HPS3: variants seen among roughly 807,000 people sequenced by gnomAD.
HPS3 encodes BLOC-2 complex member HPS3.
HPS3 carries 79 observed loss-of-function variants against 110.9 expected under a neutral mutation model. The ratio of observed to expected loss-of-function variants is 0.71; its 90% CI spans 0.59 to 0.86. The LOEUF is 0.86. Ranked by LOEUF, HPS3 falls within the 40% of genes least tolerant of loss-of-function variation. The pLI, the probability that HPS3 is intolerant of heterozygous loss-of-function variation, is 0.00. For missense variants in HPS3, 1,197 were observed against 1,206.2 expected (o/e 0.99, Z 0.11); for synonymous variants, 428 against 451.0 (o/e 0.95, Z 0.65).
At chr3:149,132,986 CA>C (rs1263249537) in intron 1 of HPS3, among the ~76,000 whole-genome samples, 3 of 152,180 alleles carry the variant, frequency 2.0e-5, no homozygotes, top group Non-Finnish European at 4.4e-5. Flanking sequence ...GGAATTCCTG[CA>C]ATCTTATGAT....
Position 149,150,694 on chromosome 3 carries a change from T to C in HPS3, c.1245+14T>C. On this transcript the variant is annotated intron_variant, in intron 6 of 16. Coordinates refer to ENST00000296051, the MANE Select transcript of HPS3 (RefSeq NM_032383.5). The stretch of plus-strand genomic sequence containing the variant: ...ACCACCCTGAAGGTAAGAACTGGCT[T>C]ATGAAGATAGTGAAACCTTAAGATC... 1 of 1,600,744 alleles carries C rather than the reference T, an allele frequency of 6.2e-7. No homozygotes were observed. The highest frequency in any genetic ancestry group is 2.2e-5 in the East Asian group (1 of 44,822).
At chr3:149,151,216 CAG>C (rs1723092585) in intron 6 of HPS3, among the ~76,000 whole-genome samples, 1 of 145,480 alleles carries the variant, frequency 6.9e-6, no homozygotes, top group African/African-American at 2.5e-5. Flanking sequence ...TTTTTTTCTG[CAG>C]AGACAGGTTT....
In HPS3 at chr3:149,141,318, C is replaced by G. The variant is rs1386793979; in HGVS notation, c.908C>G (p.Ser303Cys). The part of the protein sequence containing the change: ...LYRRFAPDIS[S>C]YVLSDDIKLH... ...AGACGTTTTGCTCCTGATATTTCGTCCTATGTCTTGTCTGATGACATCAAG... is the reference window on the plus strand; with the variant it reads ...AGACGTTTTGCTCCTGATATTTCGTGCTATGTCTTGTCTGATGACATCAAG... The change falls in exon 4 of 17, where the codon TCC (serine) becomes TGC (cysteine). Residue 303 changes from serine (S) to cysteine (C), a missense_variant. Physicochemically the swap from Ser to Cys is moderately radical, Grantham distance 112. Coordinates refer to ENST00000296051, the MANE Select transcript of HPS3 (RefSeq NM_032383.5). 1 of 1,613,352 alleles carries G rather than the reference C, an allele frequency of 6.2e-7. No homozygotes were observed. The highest frequency in any genetic ancestry group is 8.5e-7 in the Non-Finnish European group (1 of 1,179,894).
chr3:149,139,114 A>G (rs1296660188), intron 1 of HPS3, among the ~76,000 whole-genome samples: 1 of 152,356 alleles, frequency 6.6e-6, no homozygotes, highest in East Asian at 1.9e-4. Context: ...CTGGAAATAT[A>G]TTTGAATGCT....
chr3:149,170,074 G>A (rs1172014454), intron 16 of HPS3, among the ~76,000 whole-genome samples: 2 of 152,184 alleles, frequency 1.3e-5, no homozygotes, highest in African/African-American at 4.8e-5. Context: ...TTGGGATGGG[G>A]CTTGGATTAA....
At chr3:149,149,688 C>G (rs1283804344) in intron 5 of HPS3, among the ~76,000 whole-genome samples, 2 of 151,670 alleles carry the variant, frequency 1.3e-5, no homozygotes, top group Non-Finnish European at 2.9e-5. Context: ...CTCCCACTTT[C>G]TAGTTTTTTT....
chr3:149,150,646 G>T lies in HPS3; in HGVS notation c.1211G>T (p.Arg404Leu), dbSNP rs773843901. 1.9e-6 allele frequency: 3 copies of T among 1,614,056 alleles called. No individual in the cohort carries two copies. Among genetic ancestry groups the T allele is most frequent in the Non-Finnish European group, 2.5e-6 (3 of 1,179,966 alleles). Residue 404 changes from arginine to leucine, a missense_variant, in exon 6 of 17, where the codon CGT becomes CTT. Physicochemically the swap from Arg to Leu is moderately radical, Grantham distance 102. Transcript: ENST00000296051. ...FTVRCSAAAA[R>L]EEDPYMDTTL... Reference sequence around the variant, plus strand: ...GTGCGGTGCAGTGCGGCGGCAGCTCGTGAGGAGGACCCGTACATGGACACC... The same window carrying T: ...GTGCGGTGCAGTGCGGCGGCAGCTCTTGAGGAGGACCCGTACATGGACACC...
chr3:149,151,032 G>A (rs1289796568), intron 6 of HPS3, among the ~76,000 whole-genome samples: 1 of 151,738 alleles, frequency 6.6e-6, no homozygotes, highest in African/African-American at 2.4e-5. Flanking sequence ...TTTCGAGGCA[G>A]GGTCTTGCTC....
rs181651564 is a variant in HPS3 at position 149,136,602 on chromosome 3, T to C, written c.218-3402T>C. ...CCTTGGACAAGTTACTTTGCTTGTC[T>C]GTGCTTCAGATTCCTGATGTATAAA... On this transcript the variant is annotated intron_variant, in intron 1 of 16. Transcript: ENST00000296051. Among the ~76,000 whole-genome samples the C allele has an allele frequency of 3.6e-3, 551 of 152,324 alleles. 6 individuals are homozygous for C. Among genetic ancestry groups the C allele is most frequent in the African/African-American group, 0.013 (526 of 41,566 alleles).
In HPS3 at chr3:149,133,562, G is replaced by A. The variant is rs748866080; in HGVS notation, c.217+3622G>A. 1.1e-3 allele frequency among the ~76,000 whole-genome samples: 168 copies of A among 152,236 alleles called. 2 individuals are homozygous for A. The highest frequency in any genetic ancestry group is 3.4e-3 in the Middle Eastern group (1 of 294). ...GATCCACCCGCCTTGGCCTCACAAA[G>A]TGCTGGCATTACAGGTGTGAGCCAC... On this transcript the variant is annotated intron_variant, in intron 1 of 16. Transcript: ENST00000296051.
At chr3:149,169,773 T>C (rs1282803264) in intron 16 of HPS3, among the ~76,000 whole-genome samples, 2 of 152,230 alleles carry the variant, frequency 1.3e-5, no homozygotes, top group African/African-American at 4.8e-5. Context: ...GTACTGTTTT[T>C]GTAATGAACC....
chr3:149,136,002 A>G (rs756130862), intron 1 of HPS3, among the ~76,000 whole-genome samples: 17 of 152,112 alleles, frequency 1.1e-4, no homozygotes, highest in Non-Finnish European at 2.2e-4. Context: ...ACTGTTAGCC[A>G]TGTTTGTGAT....
rs555580250 is a variant in HPS3 at position 149,158,554 on chromosome 3, G to A, written c.1692-112G>A. The stretch of plus-strand genomic sequence containing the variant: ...TGGAATCCCAGCACTTTGGGAGGCT[G>A]AGGTAGGATAATCACTTGAGGTCAG... On this transcript the variant is annotated intron_variant, in intron 9 of 16. Coordinates refer to ENST00000296051, the MANE Select transcript of HPS3 (RefSeq NM_032383.5). 50 of 1,039,624 alleles carry A rather than the reference G, an allele frequency of 4.8e-5. No individual in the cohort carries two copies. In the African/African-American group the frequency reaches 7.1e-4, roughly 15 times the overall value. 64.4% of individuals were successfully genotyped at this position (1,039,624 alleles called of 1,614,324 possible). A position where few individuals can be genotyped will look rare whatever the true frequency, so the allele number is the denominator to read the frequency against.
In HPS3 at chr3:149,172,301, G is replaced by A; in HGVS notation, c.*79G>A. Reference sequence around the variant, plus strand: ...TGAATGCCAAAGTACAAGTAGAGGAGTTTTTTATTTTATATATCACACACA... The same window carrying A: ...TGAATGCCAAAGTACAAGTAGAGGAATTTTTTATTTTATATATCACACACA... On this transcript the variant is annotated 3_prime_UTR_variant, in exon 17 of 17. Coordinates refer to ENST00000296051, the MANE Select transcript of HPS3 (RefSeq NM_032383.5). The A allele has an allele frequency of 1.0e-6, 1 of 974,650 alleles. No individual in the cohort carries two copies. The highest frequency in any genetic ancestry group is 1.6e-6 in the Non-Finnish European group (1 of 644,548). The allele number at this position is 974,650 out of a possible 1,614,324, so 60.4% of individuals were successfully genotyped here.
At chr3:149,154,743 T>G (rs1449846415) in intron 7 of HPS3, among the ~76,000 whole-genome samples, 3 of 152,230 alleles carry the variant, frequency 2.0e-5, no homozygotes, top group African/African-American at 7.2e-5. Flanking sequence ...GCTCAGGGCA[T>G]GCTAGACTCA....
At chr3:149,138,587 A>C (rs114754257) in intron 1 of HPS3, among the ~76,000 whole-genome samples, 4,622 of 152,322 alleles carry the variant, frequency 0.03, 102 homozygotes, top group Non-Finnish European at 0.047. Context: ...CTAAATAAAA[A>C]GGGTATGGTA....
chr3:149,162,669 G>A, intron 12 of HPS3, 21 bp from the exon 13 acceptor site: 1 of 1,613,076 alleles, frequency 6.2e-7, no homozygotes, highest in Non-Finnish European at 8.5e-7. Flanking sequence ...GAATATAGAG[G>A]CTCCTTTTAC....
intron 15 of HPS3, 143 bp downstream of exon 15, chr3:149,167,383 A>C: frequency 1.4e-6 from 1 of 706,628 alleles, no homozygotes; most frequent in Non-Finnish European, 2.5e-6. Context: ...TATATGTTTA[A>C]TATGTTACGT....
chr3:149,150,513 C>A (rs1723034378), intron 5 of HPS3, 86 bp from the exon 6 acceptor site: 2 of 972,258 alleles, frequency 2.1e-6, no homozygotes, highest in Non-Finnish European at 3.3e-6. Context: ...CTGCCCATTG[C>A]CCTGTTTGCC....
Sources: allele counts gnomAD v4.1 joint callset (sites outside exome capture counted in the v4.1 genomes callset), GRCh38; gene constraint gnomAD v4.1.1; transcripts MANE v1.5; gene names NCBI Gene and HGNC (gene_info 2026-07-23, HGNC 2026-07-21).